The following ERC2 variants were observed in gnomAD, a reference collection of about 807,000 sequenced individuals.
The protein encoded by ERC2 is ERC protein 2.
Under a neutral mutation model 114.8 loss-of-function variants are expected in ERC2, and 42 were observed. That is an observed-to-expected ratio of 0.37 (90% CI 0.29 to 0.47). The LOEUF (loss-of-function observed/expected upper bound fraction) is 0.47. Ranked by LOEUF, ERC2 falls within the 20% of genes least tolerant of loss-of-function variation. The probability of loss-of-function intolerance (pLI) is 0.99; values close to 1 mark genes in which losing one functional copy is unlikely to be tolerated. For synonymous variants in ERC2, 454 were observed against 425.5 expected, an observed-to-expected ratio of 1.07 and a Z score of -0.82; for missense variants, 939 against 1,150.7, an observed-to-expected ratio of 0.82 and a Z score of 2.66.
intron 12 of ERC2, among the ~76,000 whole-genome samples, chr3:55,963,096 A>G (rs2068505077): frequency 6.6e-6 from 1 of 152,236 alleles, no homozygotes; most frequent in East Asian, 1.9e-4. Context: ...CAGCAGCTTT[A>G]ATGCCACAGG....
intron 3 of ERC2, among the ~76,000 whole-genome samples, chr3:56,235,708 A>G (rs1323896113): frequency 2.0e-5 from 3 of 152,174 alleles, no homozygotes; most frequent in Non-Finnish European, 2.9e-5. Context: ...CTAACCACAA[A>G]TGACTATTTA....
intron 16 of ERC2, among the ~76,000 whole-genome samples, chr3:55,685,200 A>G (rs2062263000): frequency 6.6e-6 from 1 of 152,214 alleles, no homozygotes; most frequent in Non-Finnish European, 1.5e-5. Flanking sequence ...CAGAGAGTTC[A>G]TCATACTGCC....
At chr3:56,349,155 T>C (rs890483832) in intron 2 of ERC2, among the ~76,000 whole-genome samples, 1 of 152,182 alleles carries the variant, frequency 6.6e-6, no homozygotes, top group Non-Finnish European at 1.5e-5. Flanking sequence ...TTAAGTAATA[T>C]TTACAGAACA....
intron 14 of ERC2, among the ~76,000 whole-genome samples, chr3:55,750,472 A>C (rs1243032560): frequency 6.6e-6 from 1 of 152,170 alleles, no homozygotes; most frequent in Non-Finnish European, 1.5e-5. Context: ...TTAAAGACTA[A>C]ACTTGGCCCT....
At chr3:56,383,305 C>G (rs988954621) in intron 2 of ERC2, among the ~76,000 whole-genome samples, 12 of 152,156 alleles carry the variant, frequency 7.9e-5, no homozygotes, top group African/African-American at 2.9e-4. Context: ...AAGAGCAAAA[C>G]CCAGGTCGCT....
At chr3:55,631,299 G>T (rs925444998) in intron 17 of ERC2, among the ~76,000 whole-genome samples, 5 of 152,152 alleles carry the variant, frequency 3.3e-5, no homozygotes, top group Non-Finnish European at 5.9e-5. Context: ...TAAATATTGG[G>T]AAAAGGAAGA....
At chr3:56,263,184 T>C (rs754999945) in intron 3 of ERC2, among the ~76,000 whole-genome samples, 9 of 152,206 alleles carry the variant, frequency 5.9e-5, no homozygotes, top group Non-Finnish European at 1.2e-4. Flanking sequence ...ATTTTCTCAC[T>C]GATTTACAAA....
rs747001791 is a variant in ERC2 at position 55,683,891 on chromosome 3, G to A, written c.2848-32C>T. 5 of 1,606,756 alleles carry A rather than the reference G, an allele frequency of 3.1e-6. No homozygotes were observed. In the East Asian group the frequency reaches 6.8e-5, roughly 22 times the overall value. ...CCGGCCCGAGGTGGGGAGGTGCACA[G>A]AGAGGAGGGGAGCACCAGAATGAAA... is the stretch of plus-strand genomic sequence containing the variant. On this transcript the variant is annotated intron_variant, in intron 16 of 17. Transcript: ENST00000288221.
At chr3:56,426,623 G>C (rs2061579290) in intron 2 of ERC2, among the ~76,000 whole-genome samples, 1 of 152,182 alleles carries the variant, frequency 6.6e-6, no homozygotes, top group East Asian at 1.9e-4. Context: ...GTGGGGTTTA[G>C]TTGTACATTT....
chr3:55,798,881 G>A (rs72877115), intron 14 of ERC2, among the ~76,000 whole-genome samples: 14,948 of 128,250 alleles, frequency 0.12, 1,221 homozygotes, highest in African/African-American at 0.28. Context: ...AAGAAGGTAT[G>A]GTAAACCAAG....
intron 17 of ERC2, among the ~76,000 whole-genome samples, chr3:55,558,938 A>C (rs1319509206): frequency 6.6e-6 from 1 of 152,218 alleles, no homozygotes; most frequent in Non-Finnish European, 1.5e-5. Context: ...TACAGTTTGC[A>C]GGGAGGCATT....
intron 13 of ERC2, among the ~76,000 whole-genome samples, chr3:55,942,834 C>T (rs551839187): frequency 6.6e-6 from 1 of 152,230 alleles, no homozygotes; most frequent in East Asian, 1.9e-4. Context: ...AAATCATTGC[C>T]TATGTCATTG....
intron 14 of ERC2, among the ~76,000 whole-genome samples, chr3:55,875,724 A>ACACACACACACTCT (rs1491351730): frequency 3.8e-4 from 54 of 141,106 alleles, no homozygotes; most frequent in African/African-American, 1.4e-3. Flanking sequence ...ACACACACAC[A>ACACACACACACTCT]CTCTCTCTCT....
chr3:56,233,083 G>A (rs2050733127), intron 3 of ERC2, among the ~76,000 whole-genome samples: 1 of 152,210 alleles, frequency 6.6e-6, no homozygotes, highest in African/African-American at 2.4e-5. Context: ...ATGGAACACA[G>A]CTCTCTGAGG....
chr3:56,332,754 G>T (rs888414325), intron 2 of ERC2, among the ~76,000 whole-genome samples: 3 of 152,006 alleles, frequency 2.0e-5, no homozygotes, highest in African/African-American at 7.3e-5. Context: ...TTCACTTCAG[G>T]GTCCTTCTAA....
chr3:56,171,981 A>C (rs577157767), intron 4 of ERC2, among the ~76,000 whole-genome samples: 112 of 149,588 alleles, frequency 7.5e-4, no homozygotes, highest in African/African-American at 2.7e-3. Flanking sequence ...GCAAAAACAA[A>C]AAACAAAAAA....
chr3:55,627,610 A>G (rs1433867725), intron 17 of ERC2, among the ~76,000 whole-genome samples: 1 of 152,214 alleles, frequency 6.6e-6, no homozygotes, highest in Non-Finnish European at 1.5e-5. Context: ...AGGCAAGATT[A>G]ATGAGAAGAT....
At chr3:55,924,590 G>A (rs1244710893) in intron 13 of ERC2, among the ~76,000 whole-genome samples, 1 of 152,018 alleles carries the variant, frequency 6.6e-6, no homozygotes, top group Non-Finnish European at 1.5e-5. Context: ...AGATATAGCT[G>A]AATGAAGACC....
chr3:55,514,834 C>T (rs1017914591), intron 17 of ERC2, among the ~76,000 whole-genome samples: 8 of 152,230 alleles, frequency 5.3e-5, no homozygotes, highest in African/African-American at 1.7e-4. Context: ...CCCATCTGGA[C>T]TTCTGACCTA....
Sources: gnomAD v4.1 joint callset for allele counts (sites outside exome capture counted in the v4.1 genomes callset) on GRCh38, gnomAD v4.1.1 for gene constraint, MANE v1.5 for transcripts, NCBI Gene and HGNC (gene_info 2026-07-23, HGNC 2026-07-21) for gene names.